The following SLC41A2 variants were observed in gnomAD, a reference collection of about 807,000 sequenced individuals.
SLC41A2 encodes the protein solute carrier family 41 member 2.
SLC41A2 carries 32 observed loss-of-function variants against 58.3 expected under a neutral mutation model. The ratio of observed to expected loss-of-function variants is 0.55; its 90% confidence interval spans 0.41 to 0.74. The LOEUF (loss-of-function observed/expected upper bound fraction) is 0.74. SLC41A2 is among the 30% of genes least tolerant of loss of function. The pLI is 0.00. For synonymous variants in SLC41A2, 190 were observed against 235.0 expected (o/e 0.81, Z 1.75); for missense variants, 514 against 680.6 (o/e 0.76, Z 2.72).
At chr12:104,925,455 G>A (rs1419137979) in intron 2 of SLC41A2, among the ~76,000 whole-genome samples, 1 of 152,254 alleles carries the variant, frequency 6.6e-6, no homozygotes, top group African/African-American at 2.4e-5. Flanking sequence ...CTACTTGGGA[G>A]GCTGAGGCAG....
chr12:104,816,371 A>G (rs2136222643), intron 10 of SLC41A2, among the ~76,000 whole-genome samples: 1 of 152,374 alleles, frequency 6.6e-6, no homozygotes, highest in East Asian at 1.9e-4. Flanking sequence ...TTTAAAGTGC[A>G]TCACTGAGCT....
At chr12:104,918,229 C>T (rs947490629) in intron 2 of SLC41A2, among the ~76,000 whole-genome samples, 1 of 151,990 alleles carries the variant, frequency 6.6e-6, no homozygotes, top group Non-Finnish European at 1.5e-5. Context: ...TTGGTGGAAT[C>T]TGGTAATACC....
intron 1 of SLC41A2, among the ~76,000 whole-genome samples, chr12:104,952,230 T>A (rs989561489): frequency 6.6e-6 from 1 of 152,226 alleles, no homozygotes; most frequent in Non-Finnish European, 1.5e-5. Flanking sequence ...TTAGACTCTA[T>A]CAACGAAGAT....
chr12:104,934,742 G>T (rs545667641), intron 1 of SLC41A2, among the ~76,000 whole-genome samples: 1 of 152,138 alleles, frequency 6.6e-6, no homozygotes, highest in East Asian at 1.9e-4. Flanking sequence ...CAACATGGAC[G>T]GAACCGGAGG....
chr12:104,908,962 A>G (rs1362734720), intron 3 of SLC41A2, among the ~76,000 whole-genome samples: 1 of 152,220 alleles, frequency 6.6e-6, no homozygotes, highest in Non-Finnish European at 1.5e-5. Context: ...AGGAGTTTAA[A>G]CATCCAATAA....
chr12:104,956,724 C>T (rs539632052), intron 1 of SLC41A2, among the ~76,000 whole-genome samples: 1 of 152,096 alleles, frequency 6.6e-6, no homozygotes, highest in East Asian at 1.9e-4. Context: ...AGCCAAGCAA[C>T]CCAATTAAAA....
intron 1 of SLC41A2, among the ~76,000 whole-genome samples, chr12:104,937,323 A>G (rs986069087): frequency 8.5e-5 from 13 of 152,200 alleles, no homozygotes; most frequent in African/African-American, 2.9e-4. Context: ...AACTCCATTC[A>G]TGGTAAATGC....
At chr12:104,909,965 T>TAA (rs1471036761) in intron 2 of SLC41A2, among the ~76,000 whole-genome samples, 1 of 152,164 alleles carries the variant, frequency 6.6e-6, no homozygotes, top group Non-Finnish European at 1.5e-5. Context: ...AAGATGCTGT[T>TAA]AGAGTTGGGG....
intron 1 of SLC41A2, among the ~76,000 whole-genome samples, chr12:104,932,551 G>C (rs2047092929): frequency 6.6e-6 from 1 of 150,446 alleles, no homozygotes; most frequent in South Asian, 2.1e-4. Context: ...CTGGAGCCTG[G>C]GAGGTCAAGG....
At chr12:104,823,920 C>T (rs950013931) in intron 10 of SLC41A2, among the ~76,000 whole-genome samples, 4 of 152,084 alleles carry the variant, frequency 2.6e-5, no homozygotes, top group Non-Finnish European at 5.9e-5. Flanking sequence ...CTGTTTTTGT[C>T]ACACACAAAA....
At chr12:104,900,813 T>A (rs962433743) in intron 3 of SLC41A2, among the ~76,000 whole-genome samples, 1 of 152,230 alleles carries the variant, frequency 6.6e-6, no homozygotes, top group Non-Finnish European at 1.5e-5. Context: ...AATATAATTA[T>A]CTAGGTTTTA....
At chr12:104,812,036 CTGAGAATCAGGGATAAT>C (rs2041193960) in intron 10 of SLC41A2, among the ~76,000 whole-genome samples, 1 of 152,164 alleles carries the variant, frequency 6.6e-6, no homozygotes. Context: ...GAGGTACTAG[CTGAGAATCAGGGATAAT>C]TGAGAGTCTG....
At chr12:104,950,114 G>C (rs1184062501) in intron 1 of SLC41A2, among the ~76,000 whole-genome samples, 1 of 152,104 alleles carries the variant, frequency 6.6e-6, no homozygotes, top group Non-Finnish European at 1.5e-5. Flanking sequence ...TTCTAAATGA[G>C]GACAGTTCTA....
intron 10 of SLC41A2, among the ~76,000 whole-genome samples, chr12:104,812,116 G>A (rs899551661): frequency 6.6e-6 from 1 of 152,214 alleles, no homozygotes; most frequent in African/African-American, 2.4e-5. Flanking sequence ...GAGAACAGTG[G>A]CAGGCAGGAG....
chr12:104,868,859 T>A (rs1044174857), intron 6 of SLC41A2, among the ~76,000 whole-genome samples: 1 of 152,192 alleles, frequency 6.6e-6, no homozygotes, highest in Non-Finnish European at 1.5e-5. Flanking sequence ...CTTGAAAACA[T>A]TATGCTAAGT....
intron 1 of SLC41A2, among the ~76,000 whole-genome samples, chr12:104,940,002 C>T (rs2047436606): frequency 6.6e-6 from 1 of 151,878 alleles, no homozygotes; most frequent in African/African-American, 2.4e-5. Flanking sequence ...CTCTACGTTT[C>T]TGTTTCCTAT....
At chr12:104,898,595 A>G (rs1323233758) in intron 3 of SLC41A2, among the ~76,000 whole-genome samples, 1 of 151,456 alleles carries the variant, frequency 6.6e-6, no homozygotes, top group Admixed American at 6.6e-5. Context: ...GAAAGTTACC[A>G]TTGTTACTTC....
rs903005441 is a variant in SLC41A2 at position 104,802,936 on chromosome 12, G to C, written c.*2216C>G. 1 of 152,026 alleles carries C rather than the reference G, an allele frequency of 6.6e-6. No individual in the cohort carries two copies. Among genetic ancestry groups the C allele is most frequent in the Non-Finnish European group, 1.5e-5 (1 of 67,988 alleles). 9.4% of individuals were successfully genotyped at this position (152,026 alleles called of 1,614,324 possible). Reference sequence around the variant, plus strand: ...CTGGATGTTAGGGACTTCACAATTTGGTCATTTTGCAGCTGTACAACCTTA... The same window carrying C: ...CTGGATGTTAGGGACTTCACAATTTCGTCATTTTGCAGCTGTACAACCTTA... On this transcript the variant is annotated 3_prime_UTR_variant, in exon 11 of 11. Transcript: ENST00000258538.
intron 4 of SLC41A2, among the ~76,000 whole-genome samples, chr12:104,894,143 T>C (rs538328629): frequency 1.3e-5 from 2 of 151,616 alleles, no homozygotes; most frequent in Non-Finnish European, 2.9e-5. Flanking sequence ...AAATTAAAAA[T>C]TGAAAGAAAA....
Sources: gnomAD v4.1 joint callset for allele counts (sites outside exome capture counted in the v4.1 genomes callset) on GRCh38, gnomAD v4.1.1 for gene constraint, MANE v1.5 for transcripts, NCBI Gene and HGNC (gene_info 2026-07-23, HGNC 2026-07-21) for gene names.